CHFR: variants seen among roughly 807,000 people sequenced by gnomAD.
The protein encoded by CHFR is checkpoint with forkhead and ring finger domains, also known as E3 ubiquitin-protein ligase CHFR.
A neutral mutation model predicts 87.6 loss-of-function variants in CHFR; 57 were observed. The observed-to-expected ratio is 0.65, with a 90% CI of 0.53 to 0.81. The LOEUF (loss-of-function observed/expected upper bound fraction) is 0.81, where lower values mean the gene tolerates loss of function less well. Among genes scored for constraint, CHFR ranks in the 30% least tolerant of loss-of-function variants. The pLI is 0.00. For synonymous variants in CHFR, 381 were observed against 359.2 expected (o/e 1.06, Z -0.69); for missense variants, 797 against 865.8 (o/e 0.92, Z 1.00).
chr12:132,861,399 T>C (rs1418522185), intron 7 of CHFR, 68 bp downstream of exon 7: 5 of 1,520,014 alleles, frequency 3.3e-6, no homozygotes, highest in African/African-American at 2.7e-5. Context: ...GCACGGAGCA[T>C]GGCAGCGGCC....
chr12:132,879,236 C>A (rs1025590863), intron 2 of CHFR, among the ~76,000 whole-genome samples: 1 of 152,024 alleles, frequency 6.6e-6, no homozygotes, highest in Middle Eastern at 3.2e-3. Flanking sequence ...ACCTCTTGAT[C>A]CACCCGCCTC....
chr12:132,857,337 C>T (rs540956889), intron 9 of CHFR, 68 bp downstream of exon 9: 3 of 1,540,430 alleles, frequency 1.9e-6, no homozygotes, highest in Admixed American at 3.5e-5. Context: ...GATGCCCTCA[C>T]GTGCCTGGGT....
At chr12:132,858,636 G>A (rs1054901478) in intron 8 of CHFR, among the ~76,000 whole-genome samples, 1 of 143,320 alleles carries the variant, frequency 7.0e-6, no homozygotes, top group Non-Finnish European at 1.5e-5. Flanking sequence ...GCTGAGGTAG[G>A]AGAATCGTCT....
chr12:132,833,355 G>A lies in CHFR; in HGVS notation c.*8199C>T, dbSNP rs1219272478. 6.6e-6 allele frequency: 1 copy of A among 152,256 alleles called. No individual in the cohort carries two copies. The highest frequency in any genetic ancestry group is 2.4e-5 in the African/African-American group (1 of 41,466). 9.4% of individuals were successfully genotyped at this position (152,256 alleles called of 1,614,324 possible). ...GTCTGCAAGTACTATTCTAGGCACT[G>A]TCCCAAATCCCTGCTCTTACAGAAG... On this transcript the variant is annotated 3_prime_UTR_variant, in exon 18 of 18. Coordinates refer to ENST00000450056, the MANE Select transcript of CHFR (RefSeq NM_001161346.2).
At chr12:132,847,963 G>C in intron 14 of CHFR, 122 bp downstream of exon 14, 1 of 1,535,046 alleles carries the variant, frequency 6.5e-7, no homozygotes, top group Non-Finnish European at 8.8e-7. Flanking sequence ...CATGGCTCCC[G>C]GCTCCCCAAC....
intron 7 of CHFR, 49 bp downstream of exon 7, chr12:132,861,418 C>T: frequency 2.5e-6 from 4 of 1,590,024 alleles, no homozygotes; most frequent in Non-Finnish European, 3.4e-6. Flanking sequence ...CCCCCGCATG[C>T]CCCAGGAGCA....
intron 2 of CHFR, among the ~76,000 whole-genome samples, chr12:132,880,879 G>A (rs1951752026): frequency 6.6e-6 from 1 of 151,906 alleles, no homozygotes; most frequent in African/African-American, 2.4e-5. Flanking sequence ...GCAGGAGAAT[G>A]GTGGGAACCC....
intron 6 of CHFR, among the ~76,000 whole-genome samples, chr12:132,869,309 T>C (rs541404735): frequency 4.2e-4 from 64 of 152,080 alleles, no homozygotes; most frequent in Non-Finnish European, 6.2e-4. Flanking sequence ...CAATGAGTGG[T>C]GATGGTCCCA....
At chr12:132,847,462 A>C (rs1950854789) in intron 14 of CHFR, 1 of 1,113,188 alleles carries the variant, frequency 9.0e-7, no homozygotes, top group African/African-American at 1.6e-5. Context: ...AGGCTGTTGC[A>C]CAAGAAAAGC....
rs983572037 is a variant in CHFR at position 132,851,499 on chromosome 12, T to C, written c.1492+119A>G. Reference sequence around the variant, plus strand: ...ACGTGGGGAAAACTGATCACACTGATGGAAAAAAAGAAACGGCATCCTTAC... The same window carrying C: ...ACGTGGGGAAAACTGATCACACTGACGGAAAAAAAGAAACGGCATCCTTAC... On this transcript the variant is annotated intron_variant, in intron 12 of 17. Transcript: ENST00000450056. 5 of 1,202,722 alleles carry C rather than the reference T, an allele frequency of 4.2e-6. No homozygotes were observed. The Admixed American group carries it at 7.5e-5, about 18-fold the overall frequency. 74.5% of individuals were successfully genotyped at this position (1,202,722 alleles called of 1,614,324 possible).
Position 132,869,744 on chromosome 12 carries a change from G to A in CHFR, c.458C>T (p.Ser153Leu), listed in dbSNP as rs371470066. 2.1e-5 allele frequency: 32 copies of A among 1,551,414 alleles called. No individual in the cohort carries two copies. Among genetic ancestry groups the A allele is most frequent in the Non-Finnish European group, 2.5e-5 (29 of 1,146,984 alleles). The change falls in exon 6 of 18, where the codon TCG (serine) becomes TTG (leucine). Residue 153 changes from serine (S) to leucine (L), a missense_variant. This residue lies in a region of CHFR where 597 missense variants were observed against 601.2 expected (regional missense o/e 0.99). Transcript: ENST00000450056. ...RGADPRVPPS[S>L]PATQVCFEEP... ...CTCAAAGCACACCTGAGTGGCGGGCGACGACGGAGGGACCCGGGGATCGGC... is the reference window on the plus strand; with the variant it reads ...CTCAAAGCACACCTGAGTGGCGGGCAACGACGGAGGGACCCGGGGATCGGC...
chr12:132,864,699 G>A (rs1951294248), intron 6 of CHFR, among the ~76,000 whole-genome samples: 1 of 152,154 alleles, frequency 6.6e-6, no homozygotes, highest in African/African-American at 2.4e-5. Context: ...ATGTTGGCCA[G>A]GCTGGTCTTG....
At chr12:132,869,491 A>G in intron 6 of CHFR, 128 bp downstream of exon 6, 1 of 786,198 alleles carries the variant, frequency 1.3e-6, no homozygotes, top group South Asian at 1.8e-5. Flanking sequence ...TGACTCCTAC[A>G]GAAATCTCAC....
At chr12:132,874,786 GC>G (rs1951586376) in intron 3 of CHFR, among the ~76,000 whole-genome samples, 1 of 150,540 alleles carries the variant, frequency 6.6e-6, no homozygotes. Context: ...CCCAGGACCA[GC>G]ACCCAGCGTG....
At chr12:132,865,613 T>C (rs535733720) in intron 6 of CHFR, among the ~76,000 whole-genome samples, 1 of 151,052 alleles carries the variant, frequency 6.6e-6, no homozygotes, top group African/African-American at 2.4e-5. Flanking sequence ...CCTCAAGTGA[T>C]TCGCCTGTCT....
intron 12 of CHFR, 115 bp downstream of exon 12, chr12:132,851,503 A>C (rs1950943534): frequency 3.9e-6 from 5 of 1,270,946 alleles, no homozygotes; most frequent in Admixed American, 2.5e-5. Flanking sequence ...CACTGATGGA[A>C]AAAAAGAAAC....
rs578055121 is a variant in CHFR, at chr12:132,855,368, G to A, written c.1229+1100C>T. Reference sequence around the variant, plus strand: ...ACCCGGGAGGCGGAGGTTGCAATGCGCCAAGATTGTGCCATTGGCAGGGCG... The same window carrying A: ...ACCCGGGAGGCGGAGGTTGCAATGCACCAAGATTGTGCCATTGGCAGGGCG... On this transcript the variant is annotated intron_variant, in intron 10 of 17. Coordinates refer to ENST00000450056, the MANE Select transcript of CHFR (RefSeq NM_001161346.2). 2.2e-4 allele frequency among the ~76,000 whole-genome samples: 34 copies of A among 152,028 alleles called. No homozygotes were observed. The East Asian group carries it at 2.5e-3, about 11-fold the overall frequency.
chr12:132,847,338 T>C, intron 14 of CHFR: 1 of 1,319,216 alleles, frequency 7.6e-7, no homozygotes, highest in East Asian at 3.3e-5. Flanking sequence ...TCCCAAAAGG[T>C]TCCAGTGTAA....
intron 2 of CHFR, among the ~76,000 whole-genome samples, chr12:132,886,723 C>CT (rs1403617271): frequency 1.3e-5 from 2 of 152,218 alleles, no homozygotes; most frequent in African/African-American, 4.8e-5. Context: ...AAATTTCCCT[C>CT]TGAGTACTGC....
Sources: allele counts gnomAD v4.1 joint callset (sites outside exome capture counted in the v4.1 genomes callset), GRCh38; gene constraint gnomAD v4.1.1; regional missense constraint gnomAD v4.1.1; transcripts MANE v1.5; gene names NCBI Gene and HGNC (gene_info 2026-07-23, HGNC 2026-07-21).